PLA2G6: variants seen among roughly 807,000 people sequenced by gnomAD.
PLA2G6 encodes phospholipase A2 group VI, also known as 85/88 kDa calcium-independent phospholipase A2.
A neutral mutation model predicts 83.8 loss-of-function variants in PLA2G6; 62 were observed. The ratio of observed to expected loss-of-function variants is 0.74; its 90% CI spans 0.60 to 0.91. The LOEUF (loss-of-function observed/expected upper bound fraction) is 0.91. Ranked by LOEUF, PLA2G6 falls within the 40% of genes least tolerant of loss-of-function variation. The pLI is 0.00. For missense variants in PLA2G6, 944 were observed against 1,102.0 expected (o/e 0.86, Z 2.03); for synonymous variants, 417 against 449.8 (o/e 0.93, Z 0.92).
intron 12 of PLA2G6, among the ~76,000 whole-genome samples, chr22:38,119,922 A>C (rs1040533476): frequency 3.5e-5 from 5 of 143,550 alleles, no homozygotes; most frequent in Non-Finnish European, 4.6e-5. Context: ...AAACCAAAAC[A>C]AAAAACAAAA....
Position 38,115,989 on chromosome 22 carries a change from T to C in PLA2G6, c.1879+86A>G, listed in dbSNP as rs1602068066. The C allele has an allele frequency of 7.8e-6, 12 of 1,532,960 alleles. No individual in the cohort carries two copies. The East Asian group carries it at 2.5e-4, about 32-fold the overall frequency. 95.0% of individuals were successfully genotyped at this position (1,532,960 alleles called of 1,614,324 possible). A position where few individuals can be genotyped will look rare whatever the true frequency, so the allele number is the denominator to read the frequency against. ...GGGCTGGTGGCACGGTGAGGGTGCC[T>C]GATGGCAAGTGCACGACTCCCACCC... is the stretch of plus-strand genomic sequence containing the variant. On this transcript the variant is annotated intron_variant, in intron 13 of 16. Transcript: ENST00000332509.
At chr22:38,122,826 A>G (rs2087599193) in intron 11 of PLA2G6, among the ~76,000 whole-genome samples, 2 of 152,100 alleles carry the variant, frequency 1.3e-5, no homozygotes. Context: ...AGTCGATAGG[A>G]AACGCTTCCT....
At position 38,128,247 on chromosome 22, in the gene PLA2G6, G is replaced by A. The variant is rs1213004137; in HGVS notation, c.1348+22C>T. ...GGCCTGGGAACCAGCTGGAGAAGAG[G>A]GAGTCGGGAGGCGAGGCCTACCTAG... On this transcript the variant is annotated intron_variant, in intron 9 of 16. Coordinates refer to ENST00000332509, the MANE Select transcript of PLA2G6 (RefSeq NM_003560.4). The surrounding 1 kb of genome is among the most constrained non-coding windows in gnomAD (Gnocchi z 4.4). 2 of 1,611,194 alleles carry A rather than the reference G, an allele frequency of 1.2e-6. No individual in the cohort carries two copies. The highest frequency in any genetic ancestry group is 2.7e-5 in the African/African-American group (2 of 74,836).
chr22:38,120,717 T>C, intron 12 of PLA2G6, 42 bp downstream of exon 12: 1 of 1,610,242 alleles, frequency 6.2e-7, no homozygotes, highest in East Asian at 2.2e-5. Context: ...ACAGCCACAG[T>C]GGGCACAGCT....
At chr22:38,150,600 G>A (rs1303300429) in intron 2 of PLA2G6, 1 of 152,206 alleles carries the variant, frequency 6.6e-6, no homozygotes, top group African/African-American at 2.4e-5. Flanking sequence ...TGCACAATAT[G>A]TATTGTATGT....
chr22:38,140,311 C>T (rs1398445070), intron 4 of PLA2G6, 142 bp from the exon 5 acceptor site: 6 of 715,012 alleles, frequency 8.4e-6, no homozygotes, highest in Non-Finnish European at 1.5e-5. Flanking sequence ...AGTTTGAGAC[C>T]AGCCTGGCCA....
chr22:38,164,097 C>T (rs114893234), intron 2 of PLA2G6, among the ~76,000 whole-genome samples: 399 of 152,164 alleles, frequency 2.6e-3, no homozygotes, highest in African/African-American at 9.0e-3. Context: ...CAATGCCAGC[C>T]GTAAATGATT....
At chr22:38,115,119 C>T (rs1475067197) in intron 14 of PLA2G6, among the ~76,000 whole-genome samples, 1 of 152,230 alleles carries the variant, frequency 6.6e-6, no homozygotes, top group Non-Finnish European at 1.5e-5. Context: ...CTTTCCGAGC[C>T]CCCAGGCCTT....
rs2072867 is a variant in PLA2G6, at chr22:38,123,328, A to T, written c.1428-70T>A. 3 of 1,473,480 alleles carry T rather than the reference A, an allele frequency of 2.0e-6. No homozygotes were observed. The highest frequency in any genetic ancestry group is 2.8e-6 in the Non-Finnish European group (3 of 1,079,732). 91.3% of individuals were successfully genotyped at this position (1,473,480 alleles called of 1,614,324 possible). A position where few individuals can be genotyped will look rare whatever the true frequency, so the allele number is the denominator to read the frequency against. On this transcript the variant is annotated intron_variant, in intron 10 of 16. Transcript: ENST00000332509. The surrounding 1 kb of genome is among the most constrained non-coding windows in gnomAD (Gnocchi z 4.1). Reference sequence around the variant, plus strand: ...CCCAGTACTTTACATCCACCCTCATAGCCCTTGTCCCCTGCAGCTGTGTCC... The same window carrying T: ...CCCAGTACTTTACATCCACCCTCATTGCCCTTGTCCCCTGCAGCTGTGTCC...
intron 1 of PLA2G6, among the ~76,000 whole-genome samples, chr22:38,176,268 C>T (rs1330570894): frequency 2.0e-5 from 3 of 152,174 alleles, no homozygotes; most frequent in Non-Finnish European, 2.9e-5. Flanking sequence ...AAGCCTTCTG[C>T]TTCCTTCTTG....
intron 1 of PLA2G6, among the ~76,000 whole-genome samples, chr22:38,176,170 C>A (rs1298660912): frequency 6.6e-6 from 1 of 152,190 alleles, no homozygotes; most frequent in Non-Finnish European, 1.5e-5. Context: ...ACTGATCCAT[C>A]CCCAGGCTTC....
At chr22:38,172,659 C>T (rs1168719199) in intron 1 of PLA2G6, among the ~76,000 whole-genome samples, 9 of 152,206 alleles carry the variant, frequency 5.9e-5, no homozygotes, top group Non-Finnish European at 1.0e-4. Flanking sequence ...CCTGGAAGAG[C>T]GCAGAGAGGC....
At chr22:38,162,220 AAAG>A (rs1372172616) in intron 2 of PLA2G6, among the ~76,000 whole-genome samples, 2 of 150,376 alleles carry the variant, frequency 1.3e-5, no homozygotes, top group African/African-American at 4.9e-5. Context: ...AAAAAAAAAA[AAAG>A]AAAAAAAAAA....
chr22:38,143,316 G>A, intron 3 of PLA2G6, 28 bp from the exon 4 acceptor site: 1 of 1,604,654 alleles, frequency 6.2e-7, no homozygotes, highest in Non-Finnish European at 8.5e-7. Flanking sequence ...GGTGAGCAGA[G>A]GTGAGCAGGT....
chr22:38,177,854 T>C (rs576372705), intron 1 of PLA2G6, among the ~76,000 whole-genome samples: 2 of 152,236 alleles, frequency 1.3e-5, no homozygotes, highest in South Asian at 2.1e-4. Context: ...GTTACACAGT[T>C]TGCCAGGATC....
chr22:38,114,752 G>T (rs528543093), intron 14 of PLA2G6, among the ~76,000 whole-genome samples: 1 of 152,208 alleles, frequency 6.6e-6, no homozygotes, highest in Non-Finnish European at 1.5e-5. Context: ...ACAGCAGCAA[G>T]GATGCAGCTC....
chr22:38,164,806 T>C (rs1389219860), intron 2 of PLA2G6, among the ~76,000 whole-genome samples: 2 of 152,010 alleles, frequency 1.3e-5, no homozygotes, highest in Non-Finnish European at 2.9e-5. Context: ...AGGAGGAAGA[T>C]CGTTTAGAAG....
At chr22:38,133,323 G>A (rs956249912) in intron 6 of PLA2G6, 3 of 475,996 alleles carry the variant, frequency 6.3e-6, no homozygotes, top group African/African-American at 3.9e-5. Context: ...CTGTCCTGAA[G>A]CACCCCGCTC....
intron 14 of PLA2G6, among the ~76,000 whole-genome samples, chr22:38,115,284 C>T (rs556049154): frequency 6.6e-6 from 1 of 152,318 alleles, no homozygotes; most frequent in Admixed American, 6.5e-5. Context: ...ATGCATGCCG[C>T]CCTCCCCACT....
Sources: gnomAD v4.1 joint callset for allele counts (sites outside exome capture counted in the v4.1 genomes callset) on GRCh38, gnomAD v4.1.1 for gene constraint, Gnocchi (gnomAD v3.1) non-coding constraint, MANE v1.5 for transcripts, NCBI Gene and HGNC (gene_info 2026-07-23, HGNC 2026-07-21) for gene names.